Variants in FSTL5 observed in about 807,000 individuals in gnomAD.
FSTL5 encodes follistatin-related protein 5.
Under a neutral mutation model 89.1 loss-of-function variants are expected in FSTL5, and 62 were observed. That is an observed-to-expected ratio of 0.70 (90% CI 0.57 to 0.86). The LOEUF is 0.86. FSTL5 is among the 40% of genes least tolerant of loss of function. The pLI, the probability that FSTL5 is intolerant of heterozygous loss-of-function variation, is 0.00. For missense variants in FSTL5, 1,057 were observed against 1,001.6 expected, an observed-to-expected ratio of 1.06 and a Z score of -0.75; for synonymous variants, 383 against 346.2, an observed-to-expected ratio of 1.11 and a Z score of -1.18.
In FSTL5 at chr4:161,594,582, C is replaced by G. The variant is rs116517843; in HGVS notation, c.895-7007G>C. 8.8e-3 allele frequency among the ~76,000 whole-genome samples: 1,337 copies of G among 152,084 alleles called. 29 individuals carry two copies. The highest frequency in any genetic ancestry group is 0.029 in the African/African-American group (1,220 of 41,522). ...TGCCCTTCTTTCTAAATTACCATAT[C>G]TAAATTACCATTACCATTTCTAAGG... On this transcript the variant is annotated intron_variant, in intron 7 of 15. Coordinates refer to ENST00000306100, the MANE Select transcript of FSTL5 (RefSeq NM_020116.5).
intron 6 of FSTL5, among the ~76,000 whole-genome samples, chr4:161,690,795 C>T (rs116620790): frequency 0.023 from 3,436 of 152,096 alleles, 135 homozygotes; most frequent in African/African-American, 0.077. Flanking sequence ...CCGACCATCT[C>T]CCTCCTCTCA....
At chr4:161,573,631 G>A (rs1191595332) in intron 8 of FSTL5, among the ~76,000 whole-genome samples, 1 of 149,734 alleles carries the variant, frequency 6.7e-6, no homozygotes, top group Non-Finnish European at 1.5e-5. Flanking sequence ...TACTCCAGGG[G>A]CTGAGGCAGG....
chr4:161,829,139 T>TTATATATATATATATA (rs56839306), intron 4 of FSTL5, among the ~76,000 whole-genome samples: 125 of 139,918 alleles, frequency 8.9e-4, no homozygotes, highest in African/African-American at 1.6e-3. Context: ...CAGTCACATT[T>TTATATATATATATATA]TATATATATA....
In FSTL5 at chr4:162,027,129, T is replaced by C. The variant is rs956374142; in HGVS notation, c.160+6496A>G. On this transcript the variant is annotated intron_variant, in intron 3 of 15. Coordinates refer to ENST00000306100, the MANE Select transcript of FSTL5 (RefSeq NM_020116.5). Reference sequence around the variant, plus strand: ...TTCTGGTTGATGAAAATGGGATTATTAGATAGAGAAGGATGTTCTTCTCCC... The same window carrying C: ...TTCTGGTTGATGAAAATGGGATTATCAGATAGAGAAGGATGTTCTTCTCCC... 3.9e-5 allele frequency among the ~76,000 whole-genome samples: 6 copies of C among 152,162 alleles called. No individual in the cohort carries two copies. The East Asian group carries it at 1.2e-3, about 29-fold the overall frequency.
intron 3 of FSTL5, among the ~76,000 whole-genome samples, chr4:162,009,855 G>A (rs1736710605): frequency 2.6e-5 from 4 of 151,540 alleles, no homozygotes; most frequent in Admixed American, 2.6e-4. Context: ...TACAAATTAC[G>A]TGTAGTAGCA....
chr4:161,644,095 A>G (rs1361202500), intron 7 of FSTL5, among the ~76,000 whole-genome samples: 3 of 151,730 alleles, frequency 2.0e-5, no homozygotes, highest in Non-Finnish European at 2.9e-5. Flanking sequence ...TTTTTTGATG[A>G]GGAACTTTAA....
rs150039969 is a variant in FSTL5 at position 161,656,163 on chromosome 4, A to C, written c.894+165T>G. On this transcript the variant is annotated intron_variant, in intron 7 of 15. Coordinates refer to ENST00000306100, the MANE Select transcript of FSTL5 (RefSeq NM_020116.5). ...ATACAAATGATTTGGAAAATTCCAAAGGACCTATAGTGCACCTCTCATTCC... is the reference window on the plus strand; with the variant it reads ...ATACAAATGATTTGGAAAATTCCAACGGACCTATAGTGCACCTCTCATTCC... 6.0e-3 allele frequency among the ~76,000 whole-genome samples: 918 copies of C among 152,336 alleles called. 9 individuals carry two copies. The highest frequency in any genetic ancestry group is 0.046 in the South Asian group (220 of 4,830).
intron 6 of FSTL5, among the ~76,000 whole-genome samples, chr4:161,680,426 G>A (rs1691236368): frequency 6.6e-6 from 1 of 151,786 alleles, no homozygotes; most frequent in Non-Finnish European, 1.5e-5. Flanking sequence ...TTTCACTAAC[G>A]TTAGATTGAC....
rs556470545 is a variant in FSTL5 at position 162,153,245 on chromosome 4, C to A, written c.-17+10370G>T. ...AGTTATAATTATGGATAAAAACATACCCTTTTTAGAATGATAAGGAATCTT... is the reference window on the plus strand; with the variant it reads ...AGTTATAATTATGGATAAAAACATAACCTTTTTAGAATGATAAGGAATCTT... On this transcript the variant is annotated intron_variant, in intron 1 of 15. Coordinates refer to ENST00000306100, the MANE Select transcript of FSTL5 (RefSeq NM_020116.5). Among the ~76,000 whole-genome samples, 25 of 152,086 alleles carry A rather than the reference C, an allele frequency of 1.6e-4. No individual in the cohort carries two copies. In the South Asian group the frequency reaches 5.2e-3, roughly 32 times the overall value.
At chr4:161,908,948 C>G (rs1733615392) in intron 4 of FSTL5, among the ~76,000 whole-genome samples, 1 of 151,976 alleles carries the variant, frequency 6.6e-6, no homozygotes, top group Non-Finnish European at 1.5e-5. Flanking sequence ...ATAAATTGTC[C>G]TATGCCTACT....
intron 3 of FSTL5, among the ~76,000 whole-genome samples, chr4:161,958,520 T>C (rs905457853): frequency 3.9e-5 from 6 of 152,158 alleles, no homozygotes; most frequent in Non-Finnish European, 8.8e-5. Flanking sequence ...CTTTGTTTAT[T>C]ACTTTTTAAG....
chr4:161,938,455 G>A (rs1278257464), intron 3 of FSTL5, among the ~76,000 whole-genome samples: 1 of 151,974 alleles, frequency 6.6e-6, no homozygotes, highest in Non-Finnish European at 1.5e-5. Context: ...GGTAGATATG[G>A]ATATCCAGCA....
At chr4:161,744,502 G>C (rs1740126645) in intron 6 of FSTL5, among the ~76,000 whole-genome samples, 1 of 152,106 alleles carries the variant, frequency 6.6e-6, no homozygotes, top group Non-Finnish European at 1.5e-5. Context: ...AGAAAGGCAA[G>C]TCTTACACCT....
intron 7 of FSTL5, among the ~76,000 whole-genome samples, chr4:161,620,298 C>G (rs1011349085): frequency 6.6e-6 from 1 of 151,886 alleles, no homozygotes; most frequent in African/African-American, 2.4e-5. Flanking sequence ...TTGTAACTAA[C>G]CTGCACATTG....
chr4:161,538,229 T>A lies in FSTL5; in HGVS notation c.1249A>T (p.Asn417Tyr). The A allele has an allele frequency of 6.2e-7, 1 of 1,614,062 alleles. No homozygotes were observed. The highest frequency in any genetic ancestry group is 8.5e-7 in the Non-Finnish European group (1 of 1,179,936). ...ATGTCTTCATCCACTCCTGCTTCAT[T>A]CTTTGCGATACAAGTGTATGCTCCA... ...DTGAYTCIAK[N>Y]EAGVDEDISS... Residue 417 changes from asparagine to tyrosine, a missense_variant, in exon 10 of 16, where the codon AAT (asparagine) becomes TAT (tyrosine). By Grantham distance (143) the Asn-to-Tyr change is moderately radical. This residue lies in a region of FSTL5 where 980 missense variants were observed against 903.2 expected (regional missense o/e 1.08). Transcript: ENST00000306100.
Position 161,418,130 on chromosome 4 carries a change from A to G in FSTL5, c.1842-31681T>C, listed in dbSNP as rs549113150. Reference sequence around the variant, plus strand: ...GCCCAATGATGCGTACATTAAGTTCATTGGTGTGTTTACATGGCACCAGTC... The same window carrying G: ...GCCCAATGATGCGTACATTAAGTTCGTTGGTGTGTTTACATGGCACCAGTC... On this transcript the variant is annotated intron_variant, in intron 15 of 15. Coordinates refer to ENST00000306100, the MANE Select transcript of FSTL5 (RefSeq NM_020116.5). Among the ~76,000 whole-genome samples the G allele has an allele frequency of 1.3e-4, 20 of 152,208 alleles. No homozygotes were observed. In the East Asian group the frequency reaches 3.9e-3, roughly 29 times the overall value.
intron 2 of FSTL5, among the ~76,000 whole-genome samples, chr4:162,036,139 G>C (rs72980613): frequency 0.01 from 1,558 of 151,982 alleles, 26 homozygotes; most frequent in East Asian, 0.051. Context: ...CTTAAGTCTC[G>C]TTCTATTGCT....
chr4:161,542,522 TA>T lies in FSTL5; in HGVS notation c.1177+9del. Reference sequence around the variant, plus strand: ...GTCATTTAAGAGAAAAAAAAGCAAGTAAAAAGCACCTTGAAGCGTGAGTTGT... The same window carrying T: ...GTCATTTAAGAGAAAAAAAAGCAAGTAAAAGCACCTTGAAGCGTGAGTTGT... On this transcript the variant is annotated intron_variant, in intron 9 of 15. Coordinates refer to ENST00000306100, the MANE Select transcript of FSTL5 (RefSeq NM_020116.5). The T allele has an allele frequency of 7.1e-7, 1 of 1,416,406 alleles. No individual in the cohort carries two copies. The highest frequency in any genetic ancestry group is 1.7e-5 in the South Asian group (1 of 58,214). The allele number at this position is 1,416,406 out of a possible 1,614,324, so 87.7% of individuals were successfully genotyped here. A position where few individuals can be genotyped will look rare whatever the true frequency, so the allele number is the denominator to read the frequency against.
At position 161,571,039 on chromosome 4, in the gene FSTL5, G is replaced by A. The variant is rs1732989001; in HGVS notation, c.1015+16416C>T. Among the ~76,000 whole-genome samples, 3 of 152,036 alleles carry A rather than the reference G, an allele frequency of 2.0e-5. No homozygotes were observed. In the South Asian group the frequency reaches 6.2e-4, roughly 32 times the overall value. On this transcript the variant is annotated intron_variant, in intron 8 of 15. Transcript: ENST00000306100. ...GGCTGAGGCAGGAGAATCACTTGAG[G>A]CGGAGGTTTCGGTGAGCCAAGATCA...
Sources: gnomAD v4.1 joint callset for allele counts (sites outside exome capture counted in the v4.1 genomes callset) on GRCh38, gnomAD v4.1.1 for gene constraint, gnomAD v4.1.1 regional missense constraint, MANE v1.5 for transcripts, NCBI Gene and HGNC (gene_info 2026-07-23, HGNC 2026-07-21) for gene names.